The following PLPPR1 variants were observed in gnomAD, a reference collection of about 807,000 sequenced individuals.
The protein encoded by PLPPR1 is phospholipid phosphatase-related protein type 1.
Under a neutral mutation model 33.1 loss-of-function variants are expected in PLPPR1, and 10 were observed. The ratio of observed to expected loss-of-function variants is 0.30; its 90% confidence interval spans 0.19 to 0.51. The LOEUF (loss-of-function observed/expected upper bound fraction) is 0.51, where lower values mean the gene tolerates loss of function less well. Ranked by LOEUF, PLPPR1 falls within the 20% of genes least tolerant of loss-of-function variation. The pLI, the probability that PLPPR1 is intolerant of heterozygous loss-of-function variation, is 0.97. For synonymous variants in PLPPR1, 151 were observed against 151.0 expected, an observed-to-expected ratio of 1.00 and a Z score of 0.00; for missense variants, 304 against 408.1, an observed-to-expected ratio of 0.74 and a Z score of 2.20.
At chr9:101,057,356 G>T (rs1397955115) in intron 1 of PLPPR1, among the ~76,000 whole-genome samples, 1 of 152,134 alleles carries the variant, frequency 6.6e-6, no homozygotes, top group African/African-American at 2.4e-5. Context: ...TGTACTGTAA[G>T]TAGCAATATC....
At chr9:101,259,731 T>TGTAA (rs1827863107) in intron 2 of PLPPR1, among the ~76,000 whole-genome samples, 2 of 152,306 alleles carry the variant, frequency 1.3e-5, no homozygotes, top group South Asian at 2.1e-4. Flanking sequence ...AATTAATATA[T>TGTAA]GTAAGTTGTA....
chr9:101,117,739 T>G (rs550029533), intron 1 of PLPPR1, among the ~76,000 whole-genome samples: 1 of 152,278 alleles, frequency 6.6e-6, no homozygotes, highest in South Asian at 2.1e-4. Flanking sequence ...TTCCAAAGTC[T>G]TAGTGTCCTT....
At chr9:101,153,904 G>A (rs1297505898) in intron 1 of PLPPR1, among the ~76,000 whole-genome samples, 1 of 152,112 alleles carries the variant, frequency 6.6e-6, no homozygotes, top group Admixed American at 6.6e-5. Flanking sequence ...AATTTATTGA[G>A]AGTTTTTAGC....
intron 1 of PLPPR1, among the ~76,000 whole-genome samples, chr9:101,119,765 C>A (rs1588036027): frequency 6.6e-6 from 1 of 152,196 alleles, no homozygotes; most frequent in East Asian, 1.9e-4. Context: ...CTCAATTGGC[C>A]TTTTTGCCCC....
chr9:101,189,579 T>C (rs1477701334), intron 2 of PLPPR1, among the ~76,000 whole-genome samples: 2 of 152,128 alleles, frequency 1.3e-5, no homozygotes, highest in African/African-American at 4.8e-5. Context: ...CAATATAATA[T>C]GTCTAAGTGT....
rs1231746484 is a variant in PLPPR1, at chr9:101,154,184, G to T, written c.-45-31266G>T. ...GTCTAAAATTCTCTTTTTTTGTTGT[G>T]TCTCTGCCAGGCTTTGGTATCAGGA... On this transcript the variant is annotated intron_variant, in intron 1 of 7. Transcript: ENST00000374874. 2.0e-5 allele frequency among the ~76,000 whole-genome samples: 3 copies of T among 152,084 alleles called. No homozygotes were observed. In the South Asian group the frequency reaches 6.2e-4, roughly 32 times the overall value.
At position 101,086,377 on chromosome 9, in the gene PLPPR1, T is replaced by C. The variant is rs146570908; in HGVS notation, c.-46+57275T>C. The stretch of plus-strand genomic sequence containing the variant: ...GCCAATCTGTCAGGGAGCTCTGGGA[T>C]AGGAATTTTCCATCAGAGTTGTCCT... On this transcript the variant is annotated intron_variant, in intron 1 of 7. Transcript: ENST00000374874. Among the ~76,000 whole-genome samples the C allele has an allele frequency of 6.2e-3, 947 of 152,268 alleles. 12 individuals carry two copies. Among genetic ancestry groups the C allele is most frequent in the African/African-American group, 0.022 (914 of 41,542 alleles).
At chr9:101,294,569 C>G (rs7027569) in intron 4 of PLPPR1, among the ~76,000 whole-genome samples, 5,885 of 151,372 alleles carry the variant, frequency 0.039, 331 homozygotes, top group African/African-American at 0.13. Context: ...TACTGGCAAA[C>G]CGAATCCAGC....
intron 1 of PLPPR1, among the ~76,000 whole-genome samples, chr9:101,065,216 A>T (rs922232744): frequency 6.6e-6 from 1 of 152,088 alleles, no homozygotes; most frequent in Admixed American, 6.6e-5. Context: ...GGAATTCCAT[A>T]GCACTTAACC....
intron 4 of PLPPR1, among the ~76,000 whole-genome samples, 157 bp downstream of exon 4, chr9:101,286,393 C>T (rs897194441): frequency 3.3e-5 from 5 of 152,262 alleles, no homozygotes; most frequent in South Asian, 4.1e-4. Flanking sequence ...TTTTGACTCT[C>T]GAAATGGTAC....
At chr9:101,210,260 T>G (rs1189542530) in intron 2 of PLPPR1, among the ~76,000 whole-genome samples, 1 of 152,190 alleles carries the variant, frequency 6.6e-6, no homozygotes, top group Non-Finnish European at 1.5e-5. Context: ...CCCCTGCTAT[T>G]TCTTTAGAGT....
chr9:101,089,539 A>G (rs1322772271), intron 1 of PLPPR1, among the ~76,000 whole-genome samples: 3 of 152,184 alleles, frequency 2.0e-5, no homozygotes, highest in Non-Finnish European at 4.4e-5. Context: ...CAAAGTTGGA[A>G]TAATATCGGA....
At chr9:101,295,248 C>T (rs370821719) in intron 4 of PLPPR1, among the ~76,000 whole-genome samples, 3,259 of 151,438 alleles carry the variant, frequency 0.022, 37 homozygotes, top group Middle Eastern at 0.068. Flanking sequence ...TTACAAGGGA[C>T]GTGAAGGACC....
intron 3 of PLPPR1, among the ~76,000 whole-genome samples, chr9:101,275,132 G>T (rs1423476166): frequency 6.6e-6 from 1 of 152,210 alleles, no homozygotes; most frequent in Non-Finnish European, 1.5e-5. Context: ...AATGAAGCGT[G>T]ACGCCTCTTG....
intron 1 of PLPPR1, among the ~76,000 whole-genome samples, chr9:101,083,011 A>C (rs2118515125): frequency 6.6e-6 from 1 of 152,250 alleles, no homozygotes; most frequent in East Asian, 1.9e-4. Flanking sequence ...GAGAAAAAGG[A>C]ATTTCCTAAG....
intron 4 of PLPPR1, among the ~76,000 whole-genome samples, chr9:101,300,193 AG>A (rs1828726670): frequency 2.0e-5 from 3 of 152,054 alleles, no homozygotes; most frequent in Non-Finnish European, 4.4e-5. Flanking sequence ...TTATTTTCTG[AG>A]ACAGGGTCTT....
At chr9:101,277,224 G>C (rs969422483) in intron 3 of PLPPR1, among the ~76,000 whole-genome samples, 1 of 152,198 alleles carries the variant, frequency 6.6e-6, no homozygotes, top group East Asian at 1.9e-4. Context: ...GTAAGACTGA[G>C]AGCCCTGAAA....
At chr9:101,042,817 A>G (rs76223029) in intron 1 of PLPPR1, among the ~76,000 whole-genome samples, 1 of 152,318 alleles carries the variant, frequency 6.6e-6, no homozygotes, top group Non-Finnish European at 1.5e-5. Context: ...TAGGAGATGA[A>G]GACACATACT....
intron 1 of PLPPR1, among the ~76,000 whole-genome samples, chr9:101,138,368 T>C (rs1462589267): frequency 1.3e-5 from 2 of 152,212 alleles, no homozygotes; most frequent in Non-Finnish European, 2.9e-5. Context: ...CAAAGATTAG[T>C]GTAGTACCTG....
Sources: allele counts gnomAD v4.1 joint callset (sites outside exome capture counted in the v4.1 genomes callset), GRCh38; gene constraint gnomAD v4.1.1; transcripts MANE v1.5; gene names NCBI Gene and HGNC (gene_info 2026-07-23, HGNC 2026-07-21).